NBPF9: variants seen among roughly 807,000 people sequenced by gnomAD.
NBPF9 encodes the protein NBPF family member NBPF9.
A neutral mutation model predicts 97.8 loss-of-function variants in NBPF9; 91 were observed. The observed-to-expected ratio is 0.93, with a 90% CI of 0.79 to 1.11. The LOEUF (loss-of-function observed/expected upper bound fraction) is 1.11, where lower values mean the gene tolerates loss of function less well. Among genes scored for constraint, NBPF9 ranks in the 50% least tolerant of loss-of-function variants. The pLI is 0.00. For missense variants in NBPF9, 992 were observed against 939.5 expected, an observed-to-expected ratio of 1.06 and a Z score of -0.73; for synonymous variants, 334 against 359.5, an observed-to-expected ratio of 0.93 and a Z score of 0.80.
In NBPF9 at chr1:149,059,207, G is replaced by A. The variant is rs1203248656; in HGVS notation, c.2586-110C>T. ...GAACTGTTTAAAAAGAAAAAGGACA[G>A]ATCCATTAATGAGGTAATGAATTAT... On this transcript the variant is annotated intron_variant, in intron 25 of 29. Transcript: ENST00000584027. The A allele has an allele frequency of 1.1e-5, 5 of 438,068 alleles. No homozygotes were observed. In the East Asian group the frequency reaches 1.5e-4, roughly 13 times the overall value. The allele number at this position is 438,068 out of a possible 1,614,324, so 27.1% of individuals were successfully genotyped here.
chr1:149,081,569 C>T (rs1319687739), intron 7 of NBPF9, among the ~76,000 whole-genome samples: 25 of 152,172 alleles, frequency 1.6e-4, no homozygotes, highest in East Asian at 3.9e-4. Context: ...TGGGCCTCAA[C>T]GGAAATTTGA....
chr1:149,096,066 AG>A (rs1474653457), intron 4 of NBPF9, among the ~76,000 whole-genome samples: 1 of 152,102 alleles, frequency 6.6e-6, no homozygotes, highest in African/African-American at 2.4e-5. Context: ...AAAGACGTGG[AG>A]GAACTTAAAA....
At chr1:149,087,661 C>A (rs1553658987) in intron 5 of NBPF9, among the ~76,000 whole-genome samples, 1 of 150,566 alleles carries the variant, frequency 6.6e-6, no homozygotes, top group Non-Finnish European at 1.5e-5. Context: ...ATTAGAATTG[C>A]ATTGGATCTG....
chr1:149,065,833 T>C, intron 17 of NBPF9, 144 bp from the exon 18 acceptor site: 1 of 766,730 alleles, frequency 1.3e-6, no homozygotes, highest in East Asian at 2.7e-5. Flanking sequence ...AATAAAACTA[T>C]CCTTCTAAAT....
intron 5 of NBPF9, among the ~76,000 whole-genome samples, chr1:149,089,057 C>T (rs1553659480): frequency 6.6e-6 from 1 of 151,676 alleles, no homozygotes; most frequent in Admixed American, 6.6e-5. Flanking sequence ...AAGGAAATCC[C>T]TCCCGCCTTG....
At chr1:149,056,600 C>A (rs1553649059) in exon 29 of NBPF9, 3 of 111,918 alleles carry the variant, frequency 2.7e-5, no homozygotes, top group South Asian at 1.7e-4. Flanking sequence ...CTTTTCTTCC[C>A]CTTCCCCTTC....
intron 17 of NBPF9, among the ~76,000 whole-genome samples, chr1:149,068,182 C>A (rs7529398): frequency 4.7e-5 from 7 of 149,116 alleles, no homozygotes; most frequent in Non-Finnish European, 1.0e-4. Context: ...ATGCCAAACT[C>A]TAAAGACCAT....
intron 19 of NBPF9, among the ~76,000 whole-genome samples, chr1:149,064,017 GACACACACAC>G (rs72022450): frequency 9.8e-6 from 1 of 101,748 alleles, no homozygotes; most frequent in Non-Finnish European, 2.1e-5. Flanking sequence ...CACAGACACA[GACACACACAC>G]ACACACACAC....
At chr1:149,076,189 T>A (rs1358382847) in intron 11 of NBPF9, among the ~76,000 whole-genome samples, 2 of 151,678 alleles carry the variant, frequency 1.3e-5, no homozygotes, top group African/African-American at 4.8e-5. Flanking sequence ...GCTTTTTTAA[T>A]TTTTTTCTTT....
chr1:149,084,409 T>C (rs1464957904), intron 5 of NBPF9, among the ~76,000 whole-genome samples: 44 of 147,202 alleles, frequency 3.0e-4, no homozygotes, highest in African/African-American at 1.0e-3. Flanking sequence ...ATACAATATA[T>C]ATAACATGTG....
At chr1:149,074,496 C>G (rs591787) in intron 12 of NBPF9, among the ~76,000 whole-genome samples, 1 of 151,556 alleles carries the variant, frequency 6.6e-6, no homozygotes, top group Non-Finnish European at 1.5e-5. Flanking sequence ...AGTGTTTACT[C>G]TGTGCCAATA....
At chr1:149,075,615 T>C (rs2079793594) in intron 12 of NBPF9, 40 bp downstream of exon 12, 3 of 1,543,898 alleles carry the variant, frequency 1.9e-6, no homozygotes, top group East Asian at 2.2e-5. Context: ...AGACAGGACG[T>C]CGTTCATCAC....
intron 21 of NBPF9, 67 bp from the exon 22 acceptor site, chr1:149,062,332 T>C (rs1253362793): frequency 2.0e-5 from 12 of 615,108 alleles, no homozygotes; most frequent in Non-Finnish European, 2.6e-5. Flanking sequence ...CCCAGCTAGA[T>C]TTCATGGCTA....
At chr1:149,058,852 A>G (rs1201220598) in intron 26 of NBPF9, 73 bp downstream of exon 26, 2 of 701,520 alleles carry the variant, frequency 2.9e-6, no homozygotes, top group African/African-American at 1.8e-5. Flanking sequence ...AGTAAGGGCC[A>G]CTTGGAACAG....
In NBPF9 at chr1:149,060,445, T is replaced by C. The variant is rs2078523250; in HGVS notation, c.2476+78A>G. On this transcript the variant is annotated intron_variant, in intron 24 of 29. Transcript: ENST00000584027. ...GCAATGACATCTCTCAGCTCAGTAA[T>C]GGCCACTTGGAGCAGGAATATGATC... 1.4e-3 allele frequency: 481 copies of C among 332,992 alleles called. 150 individuals are homozygous for C. Among genetic ancestry groups the C allele is most frequent in the South Asian group, 0.013 (458 of 35,030 alleles). The allele number at this position is 332,992 out of a possible 1,614,324, so 20.6% of individuals were successfully genotyped here. A position where few individuals can be genotyped will look rare whatever the true frequency, so the allele number is the denominator to read the frequency against.
At position 149,064,518 on chromosome 1, in the gene NBPF9, G is replaced by C. The variant is rs781961115; in HGVS notation, c.1802-36C>G. 64 of 1,483,104 alleles carry C rather than the reference G, an allele frequency of 4.3e-5. 4 individuals carry two copies. The highest frequency in any genetic ancestry group is 5.8e-5 in the Non-Finnish European group (63 of 1,092,914). 91.9% of individuals were successfully genotyped at this position (1,483,104 alleles called of 1,614,324 possible). A position where few individuals can be genotyped will look rare whatever the true frequency, so the allele number is the denominator to read the frequency against. On this transcript the variant is annotated intron_variant, in intron 18 of 29. Coordinates refer to ENST00000584027, the Ensembl canonical transcript of NBPF9. ...ATTCAGATGGGCCCTCTTACATTAA[G>C]CAGTCCTTCCTTGCACACAGAAACA...
intron 21 of NBPF9, 149 bp downstream of exon 21, chr1:149,062,713 A>C: frequency 1.4e-6 from 1 of 706,568 alleles, no homozygotes; most frequent in Non-Finnish European, 2.6e-6. Context: ...AAACCTAAAC[A>C]TCTACTGCAA....
chr1:149,073,931 C>A (rs2079632387), intron 12 of NBPF9, 61 bp from the exon 13 acceptor site: 2 of 1,184,430 alleles, frequency 1.7e-6, no homozygotes, highest in Non-Finnish European at 1.2e-6. Context: ...GTGGTCACTG[C>A]CTACAGGGCA....
intron 4 of NBPF9, among the ~76,000 whole-genome samples, chr1:149,097,068 AGGAG>A (rs2081817247): frequency 7.3e-6 from 1 of 137,818 alleles, no homozygotes; most frequent in Non-Finnish European, 1.6e-5. Flanking sequence ...GAGGGAAGGA[AGGAG>A]GAAGGGAGGA....
Sources: gnomAD v4.1 joint callset for allele counts (sites outside exome capture counted in the v4.1 genomes callset) on GRCh38, gnomAD v4.1.1 for gene constraint, MANE v1.5 for transcripts, NCBI Gene and HGNC (gene_info 2026-07-23, HGNC 2026-07-21) for gene names.